METTL2A: variants seen among roughly 807,000 people sequenced by gnomAD.
METTL2A encodes the protein methyltransferase 2A, tRNA N3-cytidine, also known as tRNA N(3)-cytidine methyltransferase METTL2A.
Under a neutral mutation model 49.4 loss-of-function variants are expected in METTL2A, and 45 were observed. The observed-to-expected ratio is 0.91, with a 90% CI of 0.72 to 1.17. The LOEUF (loss-of-function observed/expected upper bound fraction) is 1.17, where lower values mean the gene tolerates loss of function less well. Ranked by LOEUF, METTL2A falls within the 50% of genes most tolerant of loss-of-function variation. The pLI is 0.00. For synonymous variants in METTL2A, 118 were observed against 167.5 expected (o/e 0.70, Z 2.28); for missense variants, 361 against 462.2 (o/e 0.78, Z 2.01).
chr17:62,447,772 A>C lies in METTL2A; in HGVS notation c.982+6A>C. 1 of 1,614,158 alleles carries C rather than the reference A, an allele frequency of 6.2e-7. No individual in the cohort carries two copies. Among genetic ancestry groups the C allele is most frequent in the East Asian group, 2.2e-5 (1 of 44,884 alleles). ...AGTTTACTTCTTCACACAAGGTATG[A>C]AACACCCATCTTTTTACACTAAAAG... On this transcript the variant is annotated splice_donor_region_variant and intron_variant, in intron 8 of 8. Coordinates refer to ENST00000311506, the MANE Select transcript of METTL2A (RefSeq NM_181725.4).
chr17:62,430,100 G>C (rs1459004687), intron 4 of METTL2A, among the ~76,000 whole-genome samples: 1 of 152,182 alleles, frequency 6.6e-6, no homozygotes, highest in Non-Finnish European at 1.5e-5. Context: ...TCATTAACAG[G>C]ATTAAGTAAA....
In METTL2A at chr17:62,448,931, A is replaced by T; in HGVS notation, c.*202A>T. The T allele has an allele frequency of 1.6e-6, 1 of 642,156 alleles. No homozygotes were observed. Among genetic ancestry groups the T allele is most frequent in the Non-Finnish European group, 2.3e-6 (1 of 430,370 alleles). The allele number at this position is 642,156 out of a possible 1,614,324, so 39.8% of individuals were successfully genotyped here. On this transcript the variant is annotated 3_prime_UTR_variant, in exon 9 of 9. Coordinates refer to ENST00000311506, the MANE Select transcript of METTL2A (RefSeq NM_181725.4). ...TCTGAAAGTAATAATAAAAATAAAA[A>T]ATATAAATGAGGTCTCGTTGATGTT...
At chr17:62,442,605 G>A (rs1263105844) in intron 6 of METTL2A, among the ~76,000 whole-genome samples, 1 of 152,142 alleles carries the variant, frequency 6.6e-6, no homozygotes, top group Non-Finnish European at 1.5e-5. Flanking sequence ...AGGAAGCAGA[G>A]TCAGATGGTG....
intron 5 of METTL2A, 130 bp downstream of exon 5, chr17:62,435,422 A>T: frequency 7.7e-7 from 1 of 1,298,650 alleles, no homozygotes; most frequent in East Asian, 2.4e-5. Context: ...TAAAAGATTT[A>T]CTGATAACGA....
At chr17:62,447,126 A>T (rs2070773648) in intron 7 of METTL2A, among the ~76,000 whole-genome samples, 1 of 152,188 alleles carries the variant, frequency 6.6e-6, no homozygotes, top group Non-Finnish European at 1.5e-5. Flanking sequence ...TAATTAAAAA[A>T]AATAAAAATA....
intron 7 of METTL2A, among the ~76,000 whole-genome samples, chr17:62,446,501 CAG>C (rs1045707717): frequency 6.6e-6 from 1 of 152,152 alleles, no homozygotes. Flanking sequence ...TTAGTAGAGA[CAG>C]GGTTTCACCA....
At chr17:62,435,611 C>CT (rs765558000) in intron 5 of METTL2A, among the ~76,000 whole-genome samples, 2 of 152,102 alleles carry the variant, frequency 1.3e-5, no homozygotes, top group Non-Finnish European at 2.9e-5. Context: ...ATATTTCAGA[C>CT]TTTTTTACTG....
chr17:62,437,133 CTTTTT>C (rs747770697), intron 5 of METTL2A, among the ~76,000 whole-genome samples: 1 of 125,552 alleles, frequency 8.0e-6, no homozygotes, highest in African/African-American at 3.1e-5. Flanking sequence ...TCAGGCTTCA[CTTTTT>C]TTTTTTTTTT....
chr17:62,426,450 G>C lies in METTL2A; in HGVS notation c.354G>C (p.Glu118Asp). The change falls in exon 3 of 9, where the codon GAG (glutamate) becomes GAC (aspartate). Residue 118 changes from glutamate to aspartate, a missense_variant. By Grantham distance (45) the Glu-to-Asp change is conservative (BLOSUM62 2). This residue lies in a region of METTL2A where 150 missense variants were observed against 170.1 expected (regional missense o/e 0.88). Transcript: ENST00000311506. ...ATCATTTGAAGGACTGGTTCTTGGA[G>C]AACAAGAGTGAAGTACCTGAATGTA... is the stretch of plus-strand genomic sequence containing the variant. ...NQNHLKDWFLENKSEVPECRN... is the reference protein window; with the variant it reads ...NQNHLKDWFLDNKSEVPECRN... 6.2e-7 allele frequency: 1 copy of C among 1,614,138 alleles called. No homozygotes were observed. Among genetic ancestry groups the C allele is most frequent in the Non-Finnish European group, 8.5e-7 (1 of 1,180,038 alleles).
At chr17:62,425,622 T>C (rs2070619164) in intron 2 of METTL2A, among the ~76,000 whole-genome samples, 2 of 145,616 alleles carry the variant, frequency 1.4e-5, no homozygotes, top group Admixed American at 1.4e-4. Context: ...CCTGACCTCG[T>C]GATCCGCCCA....
At chr17:62,442,871 C>T (rs2070746294) in intron 6 of METTL2A, among the ~76,000 whole-genome samples, 1 of 152,156 alleles carries the variant, frequency 6.6e-6, no homozygotes, top group Non-Finnish European at 1.5e-5. Context: ...ACTGCAGGGA[C>T]CAGTGATTGA....
chr17:62,448,539 G>T, intron 8 of METTL2A, 36 bp from the exon 9 acceptor site: 1 of 1,606,832 alleles, frequency 6.2e-7, no homozygotes, highest in Non-Finnish European at 8.5e-7. Context: ...TTCTTGAGGG[G>T]AAAAATGCAT....
rs539948879 is a variant in METTL2A, at chr17:62,453,249, T to A, written c.*4520T>A. On this transcript the variant is annotated 3_prime_UTR_variant, in exon 9 of 9. Coordinates refer to ENST00000311506, the MANE Select transcript of METTL2A (RefSeq NM_181725.4). Reference sequence around the variant, plus strand: ...CGACTTTTTATCTCTCAGGCCAAATTTGACTCTGCAAGGGACTTTGCATAA... The same window carrying A: ...CGACTTTTTATCTCTCAGGCCAAATATGACTCTGCAAGGGACTTTGCATAA... Among the ~76,000 whole-genome samples, 3 of 152,316 alleles carry A rather than the reference T, an allele frequency of 2.0e-5. No individual in the cohort carries two copies. In the South Asian group the frequency reaches 6.2e-4, roughly 32 times the overall value.
rs1284954420 is a variant in METTL2A, at chr17:62,452,057, C to T, written c.*3328C>T. Among the ~76,000 whole-genome samples the T allele has an allele frequency of 6.6e-6, 1 of 151,892 alleles. No individual in the cohort carries two copies. Among genetic ancestry groups the T allele is most frequent in the Non-Finnish European group, 1.5e-5 (1 of 67,968 alleles). ...CCTGGGCAACAGTGAGACTCCGTCT[C>T]AAAATAAAAAACAAAAAAAATGTAA... is the stretch of plus-strand genomic sequence containing the variant. On this transcript the variant is annotated 3_prime_UTR_variant, in exon 9 of 9. Transcript: ENST00000311506.
chr17:62,423,958 A>T lies in METTL2A; in HGVS notation c.56A>T (p.Gln19Leu). 2.5e-6 allele frequency: 4 copies of T among 1,613,872 alleles called. No homozygotes were observed. The highest frequency in any genetic ancestry group is 3.4e-6 in the Non-Finnish European group (4 of 1,180,000). Residue 19 changes from glutamine to leucine, a missense_variant, in exon 1 of 9, where the codon CAG becomes CTG. Transcript: ENST00000311506. ...APAVLADKRQ[Q>L]FGSRFLRDPA... Reference sequence around the variant, plus strand: ...GCAGTCCTCGCCGATAAGAGGCAGCAGTTCGGAAGCCGGTTCCTGAGAGAT... The same window carrying T: ...GCAGTCCTCGCCGATAAGAGGCAGCTGTTCGGAAGCCGGTTCCTGAGAGAT...
At chr17:62,446,214 C>T (rs1272610359) in intron 7 of METTL2A, among the ~76,000 whole-genome samples, 10 of 152,126 alleles carry the variant, frequency 6.6e-5, no homozygotes, top group East Asian at 1.9e-4. Flanking sequence ...AGTGCAATGG[C>T]GTGATCTCGG....
intron 6 of METTL2A, among the ~76,000 whole-genome samples, chr17:62,442,316 C>A (rs1175407093): frequency 6.6e-6 from 1 of 151,752 alleles, no homozygotes; most frequent in Non-Finnish European, 1.5e-5. Context: ...CACTCTGTTG[C>A]CCAGGCTGGA....
rs1320253529 is a variant in METTL2A, at chr17:62,451,301, C to T, written c.*2572C>T. On this transcript the variant is annotated 3_prime_UTR_variant, in exon 9 of 9. Transcript: ENST00000311506. Reference sequence around the variant, plus strand: ...AGCTGGAATTACAGGCATGTGCCACCATTCCCGGCTAATTTTTTGTATTTT... The same window carrying T: ...AGCTGGAATTACAGGCATGTGCCACTATTCCCGGCTAATTTTTTGTATTTT... Among the ~76,000 whole-genome samples the T allele has an allele frequency of 6.6e-6, 1 of 151,818 alleles. No homozygotes were observed. The highest frequency in any genetic ancestry group is 1.5e-5 in the Non-Finnish European group (1 of 67,940).
At chr17:62,425,993 T>C in intron 2 of METTL2A, among the ~76,000 whole-genome samples, 1 of 148,048 alleles carries the variant, frequency 6.8e-6, no homozygotes. Flanking sequence ...AGAGCGAGAC[T>C]CTGTCTCAAA....
Sources: gnomAD v4.1 joint callset for allele counts (sites outside exome capture counted in the v4.1 genomes callset) on GRCh38, gnomAD v4.1.1 for gene constraint, gnomAD v4.1.1 regional missense constraint, MANE v1.5 for transcripts, NCBI Gene and HGNC (gene_info 2026-07-23, HGNC 2026-07-21) for gene names.